Variants in CADPS2 observed in about 807,000 individuals in gnomAD.
The protein encoded by CADPS2 is calcium dependent secretion activator 2.
A neutral mutation model predicts 172.5 loss-of-function variants in CADPS2; 93 were observed. The ratio of observed to expected loss-of-function variants is 0.54; its 90% CI spans 0.46 to 0.64. The LOEUF (loss-of-function observed/expected upper bound fraction) is 0.64. Among genes scored for constraint, CADPS2 ranks in the 30% least tolerant of loss-of-function variants. The probability of loss-of-function intolerance (pLI) is 0.00; values close to 1 mark genes in which losing one functional copy is unlikely to be tolerated. For synonymous variants in CADPS2, 546 were observed against 555.2 expected, an observed-to-expected ratio of 0.98 and a Z score of 0.23; for missense variants, 1,420 against 1,565.9, an observed-to-expected ratio of 0.91 and a Z score of 1.57.
intron 28 of CADPS2, among the ~76,000 whole-genome samples, chr7:122,344,094 G>A (rs2037200681): frequency 6.6e-6 from 1 of 152,164 alleles, no homozygotes; most frequent in Non-Finnish European, 1.5e-5. Context: ...AACTGACAGT[G>A]AACACTGACA....
chr7:122,853,799 G>A (rs532893719), intron 1 of CADPS2, among the ~76,000 whole-genome samples: 1 of 152,276 alleles, frequency 6.6e-6, no homozygotes, highest in East Asian at 1.9e-4. Context: ...GAAGAGAGGG[G>A]AAGCAGGAGC....
chr7:122,454,968 A>G (rs954110044), intron 14 of CADPS2, among the ~76,000 whole-genome samples: 1 of 152,038 alleles, frequency 6.6e-6, no homozygotes, highest in Non-Finnish European at 1.5e-5. Flanking sequence ...CTGGCCACAC[A>G]CTACTCCGAG....
intron 3 of CADPS2, among the ~76,000 whole-genome samples, chr7:122,659,025 CCTCAGTT>C (rs1453211070): frequency 6.6e-6 from 1 of 151,870 alleles, no homozygotes; most frequent in Non-Finnish European, 1.5e-5. Context: ...GCCTTAGTTA[CCTCAGTT>C]CTCAGTTCTC....
At chr7:122,641,497 G>C (rs2077639423) in intron 3 of CADPS2, among the ~76,000 whole-genome samples, 1 of 152,014 alleles carries the variant, frequency 6.6e-6, no homozygotes, top group South Asian at 2.1e-4. Context: ...GGAATTATTT[G>C]AATTTCATAG....
chr7:122,794,446 C>G (rs1404407399), intron 1 of CADPS2, among the ~76,000 whole-genome samples: 1 of 152,016 alleles, frequency 6.6e-6, no homozygotes, highest in African/African-American at 2.4e-5. Context: ...TTTTTCAGCT[C>G]TATCAAGTTG....
intron 3 of CADPS2, among the ~76,000 whole-genome samples, chr7:122,645,382 TAC>T (rs1338965559): frequency 1.3e-4 from 9 of 69,136 alleles, no homozygotes; most frequent in South Asian, 4.0e-4. Context: ...CACACATATG[TAC>T]ATGTGTGTGT....
chr7:122,498,635 T>G (rs1027216752), intron 9 of CADPS2, among the ~76,000 whole-genome samples: 2 of 152,190 alleles, frequency 1.3e-5, no homozygotes, highest in African/African-American at 2.4e-5. Context: ...TCTAACCTAT[T>G]GCTTACCCTG....
chr7:122,791,872 A>C (rs1336719652), intron 1 of CADPS2, among the ~76,000 whole-genome samples: 1 of 152,208 alleles, frequency 6.6e-6, no homozygotes, highest in Non-Finnish European at 1.5e-5. Context: ...AAACAGTCTG[A>C]TTTGTAGGAA....
At chr7:122,850,164 C>A in intron 1 of CADPS2, 1 of 1,123,796 alleles carries the variant, frequency 8.9e-7, no homozygotes. Context: ...TCTGTGGCTT[C>A]CCACACAACT....
chr7:122,620,226 G>A (rs190812251), intron 5 of CADPS2, among the ~76,000 whole-genome samples: 93 of 152,284 alleles, frequency 6.1e-4, no homozygotes, highest in African/African-American at 1.9e-3. Flanking sequence ...TGAGCTATAA[G>A]CCTCAATATA....
intron 1 of CADPS2, among the ~76,000 whole-genome samples, chr7:122,770,360 A>AATT (rs1017630285): frequency 1.3e-5 from 2 of 152,094 alleles, no homozygotes; most frequent in African/African-American, 2.4e-5. Flanking sequence ...GAGATCCTCT[A>AATT]ATTATTATTA....
chr7:122,621,435 T>C (rs747419516), intron 5 of CADPS2, 46 bp downstream of exon 5: 1 of 1,208,798 alleles, frequency 8.3e-7, no homozygotes, highest in Non-Finnish European at 1.2e-6. Context: ...TTATTGTGCA[T>C]CATCATTTAT....
intron 2 of CADPS2, among the ~76,000 whole-genome samples, chr7:122,664,135 T>C (rs1177271530): frequency 1.3e-5 from 2 of 151,758 alleles, no homozygotes. Context: ...CATACCTGTG[T>C]CTGAGAGTTC....
rs563966528 is a variant in CADPS2, at chr7:122,489,998, A to G, written c.1852+83T>C. On this transcript the variant is annotated intron_variant, in intron 11 of 29. Transcript: ENST00000449022. ...TAGGAATCAATTAATGATGTAAACT[A>G]TAATACTGAATACATTTGCCTCAAT... 1,761 of 1,151,794 alleles carry G rather than the reference A, an allele frequency of 1.5e-3. 1 individual carries two copies. The highest frequency in any genetic ancestry group is 2.0e-3 in the Non-Finnish European group (1,562 of 789,990). The allele number at this position is 1,151,794 out of a possible 1,614,324, so 71.3% of individuals were successfully genotyped here. A position where few individuals can be genotyped will look rare whatever the true frequency, so the allele number is the denominator to read the frequency against.
chr7:122,807,977 T>C (rs866742111), intron 1 of CADPS2, among the ~76,000 whole-genome samples: 1 of 152,234 alleles, frequency 6.6e-6, no homozygotes, highest in African/African-American at 2.4e-5. Context: ...TCACTGTAGA[T>C]GTAAAACAAA....
intron 4 of CADPS2, among the ~76,000 whole-genome samples, chr7:122,622,961 C>T (rs2075746892): frequency 1.3e-5 from 2 of 152,186 alleles, no homozygotes; most frequent in African/African-American, 4.8e-5. Flanking sequence ...CTTCACAGAT[C>T]AGTCCCAGAG....
intron 1 of CADPS2, among the ~76,000 whole-genome samples, chr7:122,778,736 C>A (rs1295272389): frequency 6.6e-6 from 1 of 152,170 alleles, no homozygotes; most frequent in Non-Finnish European, 1.5e-5. Context: ...TGTGGGTGCA[C>A]AGAAGTCAAG....
rs956471072 is a variant in CADPS2 at position 122,366,100 on chromosome 7, G to T, written c.3388-5087C>A. Among the ~76,000 whole-genome samples, 390 of 141,808 alleles carry T rather than the reference G, an allele frequency of 2.8e-3. 1 individual carries two copies. The highest frequency in any genetic ancestry group is 9.3e-3 in the African/African-American group (362 of 38,912). 93.0% of individuals were successfully genotyped at this position (141,808 alleles called of 152,430 possible). A position where few individuals can be genotyped will look rare whatever the true frequency, so the allele number is the denominator to read the frequency against. ...TGGGGGAGGATGGGATAGCTGTTTT[G>T]TTTTTTTTTTTGTTAAGATCAGGAC... is the stretch of plus-strand genomic sequence containing the variant. On this transcript the variant is annotated intron_variant, in intron 25 of 29. Coordinates refer to ENST00000449022, the MANE Select transcript of CADPS2 (RefSeq NM_017954.11).
At chr7:122,363,679 A>G (rs1035007261) in intron 25 of CADPS2, among the ~76,000 whole-genome samples, 1 of 152,098 alleles carries the variant, frequency 6.6e-6, no homozygotes, top group African/African-American at 2.4e-5. Context: ...CCTTACAAGA[A>G]TGGTCTGAAG....
Sources: allele counts gnomAD v4.1 joint callset (sites outside exome capture counted in the v4.1 genomes callset), GRCh38; gene constraint gnomAD v4.1.1; transcripts MANE v1.5; gene names NCBI Gene and HGNC (gene_info 2026-07-23, HGNC 2026-07-21).